The following MCTP1 variants were observed in gnomAD, a reference collection of about 807,000 sequenced individuals.
MCTP1 encodes the protein multiple C2 and transmembrane domain-containing protein 1.
MCTP1 carries 69 observed loss-of-function variants against 120.6 expected under a neutral mutation model. The observed-to-expected ratio is 0.57, with a 90% CI of 0.47 to 0.70. The LOEUF is 0.70. MCTP1 is among the 30% of genes least tolerant of loss of function. MCTP1 has a pLI of 0.00. For missense variants in MCTP1, 1,203 were observed against 1,248.8 expected (o/e 0.96, Z 0.55); for synonymous variants, 529 against 493.1 (o/e 1.07, Z -0.96).
intron 1 of MCTP1, among the ~76,000 whole-genome samples, chr5:95,243,701 C>A (rs1475504644): frequency 6.6e-6 from 1 of 152,190 alleles, no homozygotes; most frequent in South Asian, 2.1e-4. Context: ...GGACTGAAAA[C>A]CAAGGTTGCT....
At chr5:94,871,140 T>G (rs922690381) in intron 14 of MCTP1, among the ~76,000 whole-genome samples, 167 bp from the exon 15 acceptor site, 2 of 152,056 alleles carry the variant, frequency 1.3e-5, no homozygotes, top group African/African-American at 4.8e-5. Flanking sequence ...CAGGAAAAAT[T>G]AACTATCATG....
intron 2 of MCTP1, among the ~76,000 whole-genome samples, chr5:95,010,725 A>G (rs1048351992): frequency 6.6e-6 from 1 of 152,164 alleles, no homozygotes; most frequent in East Asian, 1.9e-4. Flanking sequence ...TTTAAAGTAC[A>G]TGGCTCTCTC....
chr5:95,233,464 G>C (rs1755192721), intron 1 of MCTP1, among the ~76,000 whole-genome samples: 1 of 152,058 alleles, frequency 6.6e-6, no homozygotes, highest in African/African-American at 2.4e-5. Flanking sequence ...AAGTAGCTGG[G>C]ACTACAGGTG....
At position 95,276,316 on chromosome 5, in the gene MCTP1, T is replaced by G. The variant is rs554204848; in HGVS notation, c.720+7540A>C. Among the ~76,000 whole-genome samples the G allele has an allele frequency of 4.1e-4, 55 of 133,316 alleles. No individual in the cohort carries two copies. In the South Asian group the frequency reaches 0.014, roughly 34 times the overall value. 87.5% of individuals were successfully genotyped at this position (133,316 alleles called of 152,430 possible). A position where few individuals can be genotyped will look rare whatever the true frequency, so the allele number is the denominator to read the frequency against. On this transcript the variant is annotated intron_variant, in intron 1 of 22. Coordinates refer to ENST00000515393, the MANE Select transcript of MCTP1 (RefSeq NM_024717.7). ...TCTTGTCGCCCAGGCTGGAATGCAGTGGCGCTATCTCAGCTCATTGCAACC... is the reference window on the plus strand; with the variant it reads ...TCTTGTCGCCCAGGCTGGAATGCAGGGGCGCTATCTCAGCTCATTGCAACC...
chr5:95,142,859 G>A (rs1489667466), intron 1 of MCTP1, among the ~76,000 whole-genome samples: 2 of 152,130 alleles, frequency 1.3e-5, no homozygotes, highest in Non-Finnish European at 2.9e-5. Flanking sequence ...GGTATGGGAG[G>A]AGATAAACTA....
intron 1 of MCTP1, among the ~76,000 whole-genome samples, chr5:95,037,025 T>C (rs1206594147): frequency 6.6e-6 from 1 of 152,206 alleles, no homozygotes; most frequent in Non-Finnish European, 1.5e-5. Flanking sequence ...AAGACTATCA[T>C]AGAGACAGTT....
chr5:95,246,043 A>T (rs1255288476), intron 1 of MCTP1, among the ~76,000 whole-genome samples: 2 of 152,214 alleles, frequency 1.3e-5, no homozygotes, highest in Admixed American at 6.5e-5. Flanking sequence ...TAAAGAAAAG[A>T]ATTTTCAACC....
chr5:95,079,091 T>C (rs997899691), intron 1 of MCTP1, among the ~76,000 whole-genome samples: 1 of 152,146 alleles, frequency 6.6e-6, no homozygotes, highest in African/African-American at 2.4e-5. Flanking sequence ...CTAATTTGAG[T>C]ATCTCAACTA....
intron 12 of MCTP1, among the ~76,000 whole-genome samples, chr5:94,878,333 T>A (rs935648863): frequency 1.3e-5 from 2 of 152,096 alleles, no homozygotes; most frequent in Non-Finnish European, 1.5e-5. Context: ...ATTTTAAACA[T>A]CTGATTGGTA....
At chr5:94,742,704 G>C (rs1765796766) in intron 19 of MCTP1, among the ~76,000 whole-genome samples, 1 of 151,562 alleles carries the variant, frequency 6.6e-6, no homozygotes, top group Admixed American at 6.6e-5. Flanking sequence ...ATTTTTAACT[G>C]AAAAGAAATA....
intron 17 of MCTP1, among the ~76,000 whole-genome samples, chr5:94,808,725 T>C (rs1277666587): frequency 1.3e-5 from 2 of 152,164 alleles, no homozygotes; most frequent in African/African-American, 4.8e-5. Flanking sequence ...AAAAGAACTA[T>C]CTATCTCTGT....
intron 2 of MCTP1, among the ~76,000 whole-genome samples, chr5:95,000,176 T>C (rs368061036): frequency 2.4e-4 from 36 of 152,284 alleles, no homozygotes; most frequent in East Asian, 1.9e-3. Flanking sequence ...ACACACATAT[T>C]TGTGGCAAAC....
intron 1 of MCTP1, among the ~76,000 whole-genome samples, chr5:95,078,450 C>T (rs757648962): frequency 3.9e-5 from 6 of 152,086 alleles, no homozygotes; most frequent in Admixed American, 1.3e-4. Context: ...TAGGAGAGCT[C>T]TCAGTTATGT....
chr5:95,180,369 C>T (rs902208190), intron 1 of MCTP1, among the ~76,000 whole-genome samples: 7 of 152,236 alleles, frequency 4.6e-5, no homozygotes, highest in African/African-American at 7.2e-5. Flanking sequence ...CAAAACAACC[C>T]TGTCTAGGTC....
chr5:94,785,751 TG>T (rs1370781156), intron 18 of MCTP1, among the ~76,000 whole-genome samples: 1 of 151,942 alleles, frequency 6.6e-6, no homozygotes, highest in Non-Finnish European at 1.5e-5. Context: ...TCTTAGAAAT[TG>T]TTTTTAAGTG....
chr5:95,105,550 C>T (rs1474639154), intron 1 of MCTP1, among the ~76,000 whole-genome samples: 2 of 152,016 alleles, frequency 1.3e-5, no homozygotes, highest in Non-Finnish European at 2.9e-5. Flanking sequence ...TGCCAAGTCC[C>T]CTAGGGACTT....
At chr5:94,872,997 C>G (rs1295007181) in intron 13 of MCTP1, 142 bp downstream of exon 13, 10 of 616,938 alleles carry the variant, frequency 1.6e-5, no homozygotes, top group South Asian at 1.2e-4. Context: ...GAGGAAAATT[C>G]ATTGTTGTTA....
At chr5:94,766,488 C>T (rs553767400) in intron 19 of MCTP1, among the ~76,000 whole-genome samples, 1 of 151,840 alleles carries the variant, frequency 6.6e-6, no homozygotes, top group East Asian at 1.9e-4. Flanking sequence ...CACTTAGCCA[C>T]AGGGTGGGGA....
At chr5:94,806,272 T>G (rs572523400) in intron 17 of MCTP1, among the ~76,000 whole-genome samples, 289 of 152,086 alleles carry the variant, frequency 1.9e-3, no homozygotes, top group African/African-American at 6.5e-3. Flanking sequence ...GCCAATTACA[T>G]TTTTACAGAA....
Sources: allele counts gnomAD v4.1 joint callset (sites outside exome capture counted in the v4.1 genomes callset), GRCh38; gene constraint gnomAD v4.1.1; transcripts MANE v1.5; gene names NCBI Gene and HGNC (gene_info 2026-07-23, HGNC 2026-07-21).